The following ATP11B variants were observed in gnomAD, a reference collection of about 807,000 sequenced individuals.
ATP11B encodes the protein ATPase phospholipid transporting 11B (putative).
Under a neutral mutation model 157.8 loss-of-function variants are expected in ATP11B, and 81 were observed. The ratio of observed to expected loss-of-function variants is 0.51; its 90% CI spans 0.43 to 0.62. ATP11B has a LOEUF of 0.62. ATP11B is among the 20% of genes least tolerant of loss of function. The pLI, the probability that ATP11B is intolerant of heterozygous loss-of-function variation, is 0.00. For synonymous variants in ATP11B, 451 were observed against 469.4 expected, an observed-to-expected ratio of 0.96 and a Z score of 0.51; for missense variants, 1,165 against 1,402.2, an observed-to-expected ratio of 0.83 and a Z score of 2.70.
At chr3:182,899,389 G>A (rs369849493) in intron 28 of ATP11B, among the ~76,000 whole-genome samples, 8 of 152,016 alleles carry the variant, frequency 5.3e-5, no homozygotes, top group South Asian at 2.1e-4. Flanking sequence ...CTGACCTCAT[G>A]ATCCGCCTGC....
chr3:182,820,463 C>G lies in ATP11B; in HGVS notation c.144+87C>G, dbSNP rs977776698. ...CTTTGGGAGGCCAAGGCGAGAGGAT[C>G]GGTTAAGCCCAGGAGTTTGCGACCA... is the stretch of plus-strand genomic sequence containing the variant. On this transcript the variant is annotated intron_variant, in intron 2 of 29. Transcript: ENST00000323116. 6 of 903,164 alleles carry G rather than the reference C, an allele frequency of 6.6e-6. No homozygotes were observed. In the African/African-American group the frequency reaches 8.3e-5, roughly 12 times the overall value. 55.9% of individuals were successfully genotyped at this position (903,164 alleles called of 1,614,324 possible). A position where few individuals can be genotyped will look rare whatever the true frequency, so the allele number is the denominator to read the frequency against.
intron 1 of ATP11B, among the ~76,000 whole-genome samples, chr3:182,796,069 T>C (rs995168637): frequency 6.6e-6 from 1 of 152,182 alleles, no homozygotes; most frequent in Non-Finnish European, 1.5e-5. Context: ...GTAATTTCTT[T>C]TTAATTAAAA....
chr3:182,882,730 A>C (rs1013930874), intron 21 of ATP11B, among the ~76,000 whole-genome samples: 1 of 152,168 alleles, frequency 6.6e-6, no homozygotes, highest in African/African-American at 2.4e-5. Flanking sequence ...AAAGCTCCCA[A>C]AACAAATTTT....
chr3:182,853,517 ATAG>A (rs1352233719), intron 10 of ATP11B, among the ~76,000 whole-genome samples: 1 of 152,178 alleles, frequency 6.6e-6, no homozygotes, highest in African/African-American at 2.4e-5. Context: ...ATATCTTATA[ATAG>A]TAAGAAACAG....
chr3:182,871,429 T>G (rs769581592), intron 17 of ATP11B, among the ~76,000 whole-genome samples: 4 of 152,230 alleles, frequency 2.6e-5, no homozygotes, highest in South Asian at 2.1e-4. Flanking sequence ...ACTTTGGCCC[T>G]AGTAGAACCA....
chr3:182,907,977 A>G (rs1164822506), intron 28 of ATP11B, among the ~76,000 whole-genome samples: 1 of 152,160 alleles, frequency 6.6e-6, no homozygotes, highest in Non-Finnish European at 1.5e-5. Context: ...AGCCTGTGAC[A>G]TTAATTTACC....
intron 2 of ATP11B, among the ~76,000 whole-genome samples, chr3:182,821,471 C>A (rs1264538186): frequency 6.6e-6 from 1 of 152,190 alleles, no homozygotes; most frequent in Non-Finnish European, 1.5e-5. Context: ...TTTTATCACT[C>A]ATTTGTACAC....
In ATP11B at chr3:182,869,280, T is replaced by TATA; in HGVS notation, c.1816_1818dup (p.Ile606dup). On this transcript the variant is annotated inframe_insertion, in exon 17 of 30. Coordinates refer to ENST00000323116, the MANE Select transcript of ATP11B (RefSeq NM_014616.3). ...CTGAGTCATCAATTCTCCCTAAATG[T>TATA]ATAGGTGGAGAAATAGAAAAAACCA... The TATA allele has an allele frequency of 6.2e-7, 1 of 1,610,184 alleles. No individual in the cohort carries two copies. The highest frequency in any genetic ancestry group is 1.7e-4 in the Middle Eastern group (1 of 5,848).
At chr3:182,870,569 G>A (rs947121263) in intron 17 of ATP11B, among the ~76,000 whole-genome samples, 2 of 152,144 alleles carry the variant, frequency 1.3e-5, no homozygotes, top group Admixed American at 6.5e-5. Context: ...ATTTGTTATA[G>A]AATGAATTAA....
At chr3:182,830,427 G>A (rs554729988) in intron 4 of ATP11B, among the ~76,000 whole-genome samples, 6 of 152,196 alleles carry the variant, frequency 3.9e-5, no homozygotes, top group Admixed American at 1.3e-4. Context: ...TTCAATCAGA[G>A]CATGAATTGA....
chr3:182,901,339 AC>A, intron 28 of ATP11B, among the ~76,000 whole-genome samples: 3 of 146,862 alleles, frequency 2.0e-5, no homozygotes, highest in Non-Finnish European at 3.0e-5. Flanking sequence ...ACTCCGTCTC[AC>A]AAAAAAAAAA....
chr3:182,899,870 T>C (rs888365305), intron 28 of ATP11B, among the ~76,000 whole-genome samples: 3 of 128,660 alleles, frequency 2.3e-5, no homozygotes, highest in African/African-American at 1.1e-4. Flanking sequence ...TCTCAGTTTG[T>C]CCTTTTAACT....
chr3:182,919,600 CCCTTG>C lies in ATP11B; in HGVS notation c.*1497_*1501del, dbSNP rs1725340476. Reference sequence around the variant, plus strand: ...GTTAAATGCGGTTTTACCAAGTTTTCCCTTGAAAATGTAATTCCTTTATGGAGATT... The same window carrying C: ...GTTAAATGCGGTTTTACCAAGTTTTCAAAATGTAATTCCTTTATGGAGATT... On this transcript the variant is annotated 3_prime_UTR_variant, in exon 30 of 30. Transcript: ENST00000323116. The C allele has an allele frequency of 6.6e-6, 1 of 152,142 alleles. No homozygotes were observed. Among genetic ancestry groups the C allele is most frequent in the African/African-American group, 2.4e-5 (1 of 41,434 alleles). The allele number at this position is 152,142 out of a possible 1,614,324, so 9.4% of individuals were successfully genotyped here. A position where few individuals can be genotyped will look rare whatever the true frequency, so the allele number is the denominator to read the frequency against.
rs375760541 is a variant in ATP11B at position 182,918,122 on chromosome 3, G to T, written c.*18G>T. ...CTTGTTAAAGGGGCAGTAGTACTTT[G>T]TGGGAGCCAGTTCACCTCCTTTCCT... On this transcript the variant is annotated 3_prime_UTR_variant, in exon 30 of 30. Coordinates refer to ENST00000323116, the MANE Select transcript of ATP11B (RefSeq NM_014616.3). 7 of 1,611,518 alleles carry T rather than the reference G, an allele frequency of 4.3e-6. No individual in the cohort carries two copies. The South Asian group carries it at 7.7e-5, about 18-fold the overall frequency.
At chr3:182,807,327 C>G (rs1414804838) in intron 1 of ATP11B, among the ~76,000 whole-genome samples, 1 of 151,724 alleles carries the variant, frequency 6.6e-6, no homozygotes, top group Admixed American at 6.6e-5. Context: ...ATGGTGGTGA[C>G]AAGTTTGTAG....
chr3:182,904,878 G>C (rs1394415085), intron 28 of ATP11B, among the ~76,000 whole-genome samples: 2 of 140,324 alleles, frequency 1.4e-5, no homozygotes, highest in Non-Finnish European at 3.0e-5. Context: ...AGCAGAGTGG[G>C]ACTTCTTCTT....
intron 1 of ATP11B, among the ~76,000 whole-genome samples, chr3:182,808,340 G>C (rs554999189): frequency 6.6e-6 from 1 of 152,264 alleles, no homozygotes; most frequent in South Asian, 2.1e-4. Context: ...TTCTAACTTA[G>C]ATATGCAGGA....
chr3:182,906,020 A>G, intron 28 of ATP11B: 2 of 349,668 alleles, frequency 5.7e-6, no homozygotes, highest in South Asian at 4.4e-5. Context: ...TTTCTTTACT[A>G]ATTCCTTCAC....
Position 182,873,979 on chromosome 3 carries a change from G to A in ATP11B, c.2216G>A (p.Ser739Asn). Residue 739 changes from serine to asparagine, a missense_variant, in exon 19 of 30, where the codon AGC becomes AAC. Transcript: ENST00000323116. ...GAACTTATAAACCAGAAATCAGACA[G>A]CGAGTGTGCTGAACAATTGAGGCAG... ...ILELINQKSD[S>N]ECAEQLRQLA... 7 of 1,614,054 alleles carry A rather than the reference G, an allele frequency of 4.3e-6. No individual in the cohort carries two copies. The highest frequency in any genetic ancestry group is 5.9e-6 in the Non-Finnish European group (7 of 1,179,988).
Sources: gnomAD v4.1 joint callset for allele counts (sites outside exome capture counted in the v4.1 genomes callset) on GRCh38, gnomAD v4.1.1 for gene constraint, MANE v1.5 for transcripts, NCBI Gene and HGNC (gene_info 2026-07-23, HGNC 2026-07-21) for gene names.